Variants in TNKS observed in about 807,000 individuals in gnomAD.
TNKS encodes the protein poly [ADP-ribose] polymerase tankyrase-1.
In TNKS, 72 loss-of-function variants were observed where a neutral mutation model predicts 135.8. The ratio of observed to expected loss-of-function variants is 0.53; its 90% confidence interval spans 0.44 to 0.64. TNKS has a LOEUF of 0.64. TNKS is among the 30% of genes least tolerant of loss of function. The pLI, the probability that TNKS is intolerant of heterozygous loss-of-function variation, is 0.00. For missense variants in TNKS, 1,769 were observed against 1,674.0 expected, an observed-to-expected ratio of 1.06 and a Z score of -0.99; for synonymous variants, 849 against 649.3, an observed-to-expected ratio of 1.31 and a Z score of -4.68.
At chr8:9,676,359 A>G (rs1002749802) in intron 3 of TNKS, among the ~76,000 whole-genome samples, 13 of 152,194 alleles carry the variant, frequency 8.5e-5, no homozygotes, top group South Asian at 6.2e-4. Context: ...TTGTGGTTCT[A>G]TGTTCATAGT....
At chr8:9,607,479 G>C (rs1431844308) in intron 2 of TNKS, among the ~76,000 whole-genome samples, 1 of 152,128 alleles carries the variant, frequency 6.6e-6, no homozygotes, top group African/African-American at 2.4e-5. Context: ...TTAGTGGTTA[G>C]CTGCAATGTG....
chr8:9,682,635 C>T (rs1014885154), intron 5 of TNKS, among the ~76,000 whole-genome samples: 2 of 152,052 alleles, frequency 1.3e-5, no homozygotes, highest in African/African-American at 2.4e-5. Context: ...TTGTATTTTG[C>T]ACCAGGACCA....
intron 3 of TNKS, among the ~76,000 whole-genome samples, chr8:9,615,891 A>G (rs1313444762): frequency 6.6e-6 from 1 of 152,212 alleles, no homozygotes; most frequent in Non-Finnish European, 1.5e-5. Context: ...ACTTAGAATG[A>G]TAGCATTAAA....
chr8:9,690,032 T>C (rs549379398), intron 5 of TNKS, among the ~76,000 whole-genome samples: 1 of 152,342 alleles, frequency 6.6e-6, no homozygotes, highest in Admixed American at 6.5e-5. Context: ...TCTCCTTTCA[T>C]GAAGTGTGAA....
At chr8:9,692,851 A>T (rs1317802838) in intron 5 of TNKS, among the ~76,000 whole-genome samples, 1 of 152,208 alleles carries the variant, frequency 6.6e-6, no homozygotes, top group Non-Finnish European at 1.5e-5. Flanking sequence ...CTACTTAAAA[A>T]TCCCTTTGAA....
At chr8:9,709,831 T>C (rs1804233479) in intron 9 of TNKS, 124 bp from the exon 10 acceptor site, 4 of 702,624 alleles carry the variant, frequency 5.7e-6, no homozygotes, top group African/African-American at 1.8e-5. Context: ...ATATAAAACA[T>C]ATACATATGT....
At chr8:9,560,488 C>CGTG (rs1797279881) in intron 1 of TNKS, among the ~76,000 whole-genome samples, 1 of 78,698 alleles carries the variant, frequency 1.3e-5, no homozygotes, top group African/African-American at 5.8e-5. Context: ...CATGGCCATA[C>CGTG]TTGTCTTTTT....
chr8:9,763,605 C>T (rs1381417450), intron 22 of TNKS, among the ~76,000 whole-genome samples: 1 of 152,182 alleles, frequency 6.6e-6, no homozygotes, highest in African/African-American at 2.4e-5. Context: ...AATATGTTCT[C>T]ATCCTTGTTT....
intron 3 of TNKS, among the ~76,000 whole-genome samples, chr8:9,636,328 T>C (rs924272591): frequency 1.3e-5 from 2 of 152,194 alleles, no homozygotes; most frequent in African/African-American, 2.4e-5. Flanking sequence ...GGAAAACTGA[T>C]TGATGTTAAT....
chr8:9,572,833 T>C (rs1415997453), intron 1 of TNKS, among the ~76,000 whole-genome samples: 1 of 152,214 alleles, frequency 6.6e-6, no homozygotes, highest in Non-Finnish European at 1.5e-5. Flanking sequence ...CCGCTAGTGT[T>C]AAACTAGTGA....
chr8:9,582,105 A>G (rs1185016433), intron 2 of TNKS, among the ~76,000 whole-genome samples: 1 of 152,242 alleles, frequency 6.6e-6, no homozygotes, highest in East Asian at 1.9e-4. Flanking sequence ...CATAGTTATT[A>G]TGGGAGTCAA....
chr8:9,659,281 C>T (rs764138682), intron 3 of TNKS, among the ~76,000 whole-genome samples: 5 of 152,260 alleles, frequency 3.3e-5, no homozygotes, highest in South Asian at 2.1e-4. Context: ...ACAGAATATA[C>T]GTTCTTTTCA....
rs895320741 is a variant in TNKS, at chr8:9,777,683, T to G, written c.*947T>G. On this transcript the variant is annotated 3_prime_UTR_variant, in exon 27 of 27. Transcript: ENST00000310430. ...TCTGTATCATGGCAGCCCCAATGGA[T>G]CCAGGGGATGCCTCCAAAAAATACA... 6.6e-6 allele frequency: 1 copy of G among 152,220 alleles called. No homozygotes were observed. Among genetic ancestry groups the G allele is most frequent in the Middle Eastern group, 3.4e-3 (1 of 292 alleles). The allele number at this position is 152,220 out of a possible 1,614,324, so 9.4% of individuals were successfully genotyped here.
chr8:9,758,325 T>G (rs1806952800), intron 20 of TNKS, among the ~76,000 whole-genome samples: 1 of 151,850 alleles, frequency 6.6e-6, no homozygotes, highest in Admixed American at 6.6e-5. Context: ...TCCCTTTTTG[T>G]TTTTTTTAGA....
At position 9,781,453 on chromosome 8, in the gene TNKS, A is replaced by G. The variant is rs1468574286; in HGVS notation, c.*4717A>G. 6.6e-6 allele frequency: 1 copy of G among 152,212 alleles called. No individual in the cohort carries two copies. Among genetic ancestry groups the G allele is most frequent in the Non-Finnish European group, 1.5e-5 (1 of 68,034 alleles). 9.4% of individuals were successfully genotyped at this position (152,212 alleles called of 1,614,324 possible). The stretch of plus-strand genomic sequence containing the variant: ...GATGAAAGGCTAGAAAACCCATTCA[A>G]AGTTAGGAAAGAACACAGATCTTTG... On this transcript the variant is annotated 3_prime_UTR_variant, in exon 27 of 27. Coordinates refer to ENST00000310430, the MANE Select transcript of TNKS (RefSeq NM_003747.3).
chr8:9,772,322 A>G (rs944957708), intron 26 of TNKS: 6 of 450,222 alleles, frequency 1.3e-5, no homozygotes, highest in Admixed American at 2.4e-5. Flanking sequence ...GATAATCAAA[A>G]TCAACATCAC....
chr8:9,556,549 G>C lies in TNKS; in HGVS notation c.610G>C (p.Ala204Pro). The change falls in exon 1 of 27, where the codon GCG becomes CCG. Residue 204 changes from alanine (A) to proline (P), a missense_variant. Around this residue, in one of 5 missense-constraint regions of TNKS, gnomAD observed 450 missense variants for 304.9 expected, o/e 1.48. Coordinates refer to ENST00000310430, the MANE Select transcript of TNKS (RefSeq NM_003747.3). ...DVSRVKRLVD[A>P]ANVNAKDMAG... is the part of the protein sequence containing the mutation. ...GTCCCGGGTAAAGAGGCTGGTGGAC[G>C]CGGCAAACGTAAATGCAAAGGACAT... 1.2e-6 allele frequency: 2 copies of C among 1,614,168 alleles called. No individual in the cohort carries two copies. The highest frequency in any genetic ancestry group is 1.7e-6 in the Non-Finnish European group (2 of 1,180,044).
At position 9,589,936 on chromosome 8, in the gene TNKS, G is replaced by A. The variant is rs553221481; in HGVS notation, c.898+9553G>A. On this transcript the variant is annotated intron_variant, in intron 2 of 26. Transcript: ENST00000310430. ...ATATGCATATACTGCCACCCAACAC[G>A]TCTCCTCTGTTCATGTGCATGCTCC... Among the ~76,000 whole-genome samples, 26 of 152,224 alleles carry A rather than the reference G, an allele frequency of 1.7e-4. 1 individual carries two copies. In the South Asian group the frequency reaches 4.8e-3, roughly 28 times the overall value.
At chr8:9,773,312 A>ATATT (rs1563227944) in intron 26 of TNKS, among the ~76,000 whole-genome samples, 1 of 152,188 alleles carries the variant, frequency 6.6e-6, no homozygotes, top group East Asian at 1.9e-4. Context: ...CATATGTCTG[A>ATATT]TATTTTTTAA....
Sources: allele counts gnomAD v4.1 joint callset (sites outside exome capture counted in the v4.1 genomes callset), GRCh38; gene constraint gnomAD v4.1.1; regional missense constraint gnomAD v4.1.1; transcripts MANE v1.5; gene names NCBI Gene and HGNC (gene_info 2026-07-23, HGNC 2026-07-21).